Variants in CA10 observed in about 807,000 individuals in gnomAD.
CA10 encodes the protein carbonic anhydrase 10 (inactive).
In CA10, 14 loss-of-function variants were observed where a neutral mutation model predicts 44.2. The ratio of observed to expected loss-of-function variants is 0.32; its 90% CI spans 0.21 to 0.50. The LOEUF (loss-of-function observed/expected upper bound fraction) is 0.50, where lower values mean the gene tolerates loss of function less well. Ranked by LOEUF, CA10 falls within the 20% of genes least tolerant of loss-of-function variation. The pLI, the probability that CA10 is intolerant of heterozygous loss-of-function variation, is 0.99. For missense variants in CA10, 350 were observed against 409.7 expected (o/e 0.85, Z 1.26); for synonymous variants, 159 against 141.6 (o/e 1.12, Z -0.87).
At chr17:52,068,149 C>T (rs1008527734) in intron 2 of CA10, among the ~76,000 whole-genome samples, 1 of 152,050 alleles carries the variant, frequency 6.6e-6, no homozygotes, top group African/African-American at 2.4e-5. Flanking sequence ...CCCATAATAT[C>T]CACATTTCAA....
At chr17:51,690,065 A>T (rs1915137921) in intron 4 of CA10, among the ~76,000 whole-genome samples, 1 of 151,900 alleles carries the variant, frequency 6.6e-6, no homozygotes, top group South Asian at 2.1e-4. Context: ...CTCCTGCCTC[A>T]GTCTCCCAAG....
At chr17:52,013,222 C>T (rs1182965076) in intron 2 of CA10, among the ~76,000 whole-genome samples, 2 of 151,800 alleles carry the variant, frequency 1.3e-5, no homozygotes, top group Non-Finnish European at 2.9e-5. Flanking sequence ...GGAAATAAAT[C>T]AATGTAGGAG....
intron 3 of CA10, chr17:51,763,262 A>C (rs1366740562): frequency 6.6e-6 from 1 of 152,220 alleles, no homozygotes; most frequent in East Asian, 1.9e-4. Flanking sequence ...TGAAATGCCT[A>C]CTGAGGGAAG....
chr17:51,955,829 G>A (rs568817824), intron 2 of CA10, among the ~76,000 whole-genome samples: 2 of 152,150 alleles, frequency 1.3e-5, no homozygotes, highest in South Asian at 2.1e-4. Flanking sequence ...GCCTATCAGG[G>A]GGTAGGGGGA....
chr17:51,865,095 C>A (rs1413758194), intron 3 of CA10, among the ~76,000 whole-genome samples: 1 of 152,240 alleles, frequency 6.6e-6, no homozygotes, highest in Non-Finnish European at 1.5e-5. Flanking sequence ...CAAAAAAATT[C>A]TTCAGGGTCT....
At chr17:51,784,685 A>G (rs189477291) in intron 3 of CA10, among the ~76,000 whole-genome samples, 176 of 152,340 alleles carry the variant, frequency 1.2e-3, no homozygotes, top group Non-Finnish European at 1.9e-3. Flanking sequence ...ATGCAGTACA[A>G]GAGATGTTTT....
At chr17:51,965,098 C>T (rs1244860483) in intron 2 of CA10, among the ~76,000 whole-genome samples, 1 of 151,758 alleles carries the variant, frequency 6.6e-6, no homozygotes, top group East Asian at 1.9e-4. Flanking sequence ...GAAAAAGATC[C>T]TCAGAGAGTA....
intron 4 of CA10, among the ~76,000 whole-genome samples, chr17:51,723,971 C>T (rs184451991): frequency 7.3e-4 from 111 of 152,264 alleles, no homozygotes; most frequent in African/African-American, 2.4e-3. Context: ...TCTGACATCC[C>T]TTGCCCTGGG....
At chr17:52,146,118 T>A (rs1270567486) in intron 1 of CA10, among the ~76,000 whole-genome samples, 1 of 152,212 alleles carries the variant, frequency 6.6e-6, no homozygotes, top group African/African-American at 2.4e-5. Context: ...TGCTCCTGGC[T>A]ACAAGGCTAG....
chr17:51,846,765 G>T (rs1433086930), intron 3 of CA10, among the ~76,000 whole-genome samples: 4 of 152,218 alleles, frequency 2.6e-5, no homozygotes, highest in Admixed American at 1.3e-4. Context: ...TGTCGCGCTT[G>T]CTCTACCGCT....
intron 2 of CA10, among the ~76,000 whole-genome samples, chr17:51,972,877 A>C (rs1984332740): frequency 6.6e-6 from 1 of 152,128 alleles, no homozygotes; most frequent in Non-Finnish European, 1.5e-5. Flanking sequence ...TCCAAATGCT[A>C]CCTATATAAA....
chr17:52,101,301 T>G (rs1225276549), intron 1 of CA10, among the ~76,000 whole-genome samples: 2 of 152,232 alleles, frequency 1.3e-5, no homozygotes. Context: ...TTTTCTCATA[T>G]GAGATGGCGA....
At chr17:51,658,887 T>G (rs750040337) in intron 4 of CA10, among the ~76,000 whole-genome samples, 43 of 152,168 alleles carry the variant, frequency 2.8e-4, no homozygotes, top group Admixed American at 4.6e-4. Flanking sequence ...GCACATGCTA[T>G]TTTGCAACTA....
At chr17:51,861,811 A>C (rs1979322989) in intron 3 of CA10, among the ~76,000 whole-genome samples, 2 of 152,196 alleles carry the variant, frequency 1.3e-5, no homozygotes, top group Admixed American at 6.5e-5. Context: ...GAGTTGAATA[A>C]AAGATTACTT....
rs1222665227 is a variant in CA10, at chr17:51,717,866, T to TATATATATAC, written c.465+29766_465+29767insGTATATATAT. ...ATATATATATATATATATATATATA[T>TATATATATAC]ATACAGGATAGAATACTCACTCAGC... On this transcript the variant is annotated intron_variant, in intron 4 of 8. Transcript: ENST00000451037. 1.9e-5 allele frequency among the ~76,000 whole-genome samples: 2 copies of TATATATATAC among 105,724 alleles called. 1 individual carries two copies. The highest frequency in any genetic ancestry group is 3.7e-5 in the Non-Finnish European group (2 of 54,150). The allele number at this position is 105,724 out of a possible 152,430, so 69.4% of individuals were successfully genotyped here. A position where few individuals can be genotyped will look rare whatever the true frequency, so the allele number is the denominator to read the frequency against.
At chr17:51,834,561 C>T (rs1354403911) in intron 3 of CA10, among the ~76,000 whole-genome samples, 1 of 152,208 alleles carries the variant, frequency 6.6e-6, no homozygotes, top group East Asian at 1.9e-4. Flanking sequence ...CAGCAGACTC[C>T]ATGCTCCTGG....
intron 2 of CA10, among the ~76,000 whole-genome samples, chr17:52,014,921 A>G (rs1567703209): frequency 6.6e-6 from 1 of 152,108 alleles, no homozygotes; most frequent in Non-Finnish European, 1.5e-5. Context: ...AAGAAAATGG[A>G]TGAATAATTG....
intron 3 of CA10, among the ~76,000 whole-genome samples, chr17:51,892,534 T>C (rs975874711): frequency 6.6e-6 from 1 of 152,182 alleles, no homozygotes; most frequent in Non-Finnish European, 1.5e-5. Flanking sequence ...TGGCTTTCAA[T>C]ATCCTTAGAG....
chr17:52,134,892 C>T, intron 1 of CA10: 2 of 518,954 alleles, frequency 3.9e-6, no homozygotes, highest in South Asian at 1.4e-5. Flanking sequence ...TCTCCCTCAC[C>T]CCCACCATAC....
Sources: gnomAD v4.1 joint callset for allele counts (sites outside exome capture counted in the v4.1 genomes callset) on GRCh38, gnomAD v4.1.1 for gene constraint, MANE v1.5 for transcripts, NCBI Gene and HGNC (gene_info 2026-07-23, HGNC 2026-07-21) for gene names.